The following SAFB variants were observed in gnomAD, a reference collection of about 807,000 sequenced individuals.
SAFB encodes the protein scaffold attachment factor B.
A neutral mutation model predicts 101.6 loss-of-function variants in SAFB; 15 were observed. The observed-to-expected ratio is 0.15, with a 90% CI of 0.10 to 0.23. The LOEUF (loss-of-function observed/expected upper bound fraction) is 0.23. Among genes scored for constraint, SAFB ranks in the 10% least tolerant of loss-of-function variants. The pLI is 1.00. For missense variants in SAFB, 930 were observed against 1,104.1 expected (o/e 0.84, Z 2.23); for synonymous variants, 449 against 407.5 (o/e 1.10, Z -1.23).
At chr19:5,668,014 G>C (rs2054375617) in intron 20 of SAFB, 128 bp downstream of exon 20, 1 of 1,415,256 alleles carries the variant, frequency 7.1e-7, no homozygotes, top group Admixed American at 2.2e-5. Context: ...GCCAGGCATG[G>C]GGTACTGTGG....
In SAFB at chr19:5,645,410, G is replaced by A; in HGVS notation, c.609+11G>A. ...TTCACTATATTACAGGTAAACTGTTGTATGTCTCAGTACTTTTAGAATGAA... is the reference window on the plus strand; with the variant it reads ...TTCACTATATTACAGGTAAACTGTTATATGTCTCAGTACTTTTAGAATGAA... On this transcript the variant is annotated intron_variant, in intron 5 of 20. Transcript: ENST00000588852. The A allele has an allele frequency of 8.1e-7, 1 of 1,232,890 alleles. No individual in the cohort carries two copies. Among genetic ancestry groups the A allele is most frequent in the Non-Finnish European group, 1.2e-6 (1 of 835,770 alleles). 76.4% of individuals were successfully genotyped at this position (1,232,890 alleles called of 1,614,324 possible).
chr19:5,651,162 TGA>T (rs2053930211), intron 9 of SAFB, 90 bp downstream of exon 9: 6 of 770,844 alleles, frequency 7.8e-6, no homozygotes, highest in South Asian at 7.4e-5. Flanking sequence ...GTGAGTTCTT[TGA>T]GAGATACCAA....
chr19:5,623,233 G>A lies in SAFB; in HGVS notation c.28G>A (p.Asp10Asn). MAETLSGLG[D>N]SGAAGAAALS... ...GGCGGAGACTCTGTCAGGCCTAGGT[G>A]ATTCTGGAGCGGCGGGCGCGGCGGC... The change falls in exon 1 of 21, where the codon GAT becomes AAT. Residue 10 changes from aspartate (D) to asparagine (N), a missense_variant. Physicochemically the swap from Asp to Asn is conservative, Grantham distance 23. Transcript: ENST00000588852. 6 of 1,606,298 alleles carry A rather than the reference G, an allele frequency of 3.7e-6. No individual in the cohort carries two copies. The highest frequency in any genetic ancestry group is 5.1e-6 in the Non-Finnish European group (6 of 1,176,498).
chr19:5,631,021 G>C (rs991052926), intron 2 of SAFB, among the ~76,000 whole-genome samples: 1 of 151,744 alleles, frequency 6.6e-6, no homozygotes, highest in Admixed American at 6.6e-5. Context: ...GTGAAACCCC[G>C]TCTACTAAAA....
intron 2 of SAFB, 45 bp downstream of exon 2, chr19:5,626,534 C>A: frequency 8.9e-7 from 1 of 1,128,088 alleles, no homozygotes; most frequent in Non-Finnish European, 1.3e-6. Flanking sequence ...GTGCTTTCTT[C>A]AAAACGAATA....
chr19:5,653,938 A>C (rs892701279), intron 11 of SAFB, 123 bp from the exon 12 acceptor site: 1 of 775,174 alleles, frequency 1.3e-6, no homozygotes, highest in African/African-American at 1.8e-5. Context: ...ATGGGGTTTC[A>C]CCATGTTGGC....
intron 2 of SAFB, among the ~76,000 whole-genome samples, chr19:5,636,234 G>T (rs1405060022): frequency 6.6e-6 from 1 of 152,012 alleles, no homozygotes; most frequent in Non-Finnish European, 1.5e-5. Flanking sequence ...ACCGTATGGA[G>T]GGCAGCAAGT....
Position 5,641,632 on chromosome 19 carries a change from C to T in SAFB, c.313C>T (p.Leu105=). ...AGAAGAGGGTGTGGAAGATAACGGGCTGGAGGAAAACTCTGGGGATGGACA... is the reference window on the plus strand; with the variant it reads ...AGAAGAGGGTGTGGAAGATAACGGGTTGGAGGAAAACTCTGGGGATGGACA... ...PEEEGVEDNG[L]EENSGDGQED... The change falls in exon 3 of 21, where the codon CTG becomes TTG. Residue 105 remains leucine, a synonymous_variant. Transcript: ENST00000588852. 6.2e-7 allele frequency: 1 copy of T among 1,613,932 alleles called. No individual in the cohort carries two copies. Among genetic ancestry groups the T allele is most frequent in the Non-Finnish European group, 8.5e-7 (1 of 1,179,998 alleles).
chr19:5,653,929 T>TG, intron 11 of SAFB, 132 bp from the exon 12 acceptor site: 1 of 706,974 alleles, frequency 1.4e-6, no homozygotes, highest in Middle Eastern at 3.7e-4. Flanking sequence ...TTAGTAGAGA[T>TG]GGGGTTTCAC....
chr19:5,623,439 C>T lies in SAFB; in HGVS notation c.189+45C>T, dbSNP rs566566627. Reference sequence around the variant, plus strand: ...GGCGGGCACAGGGTGGGTCTGGGGTCCTCTTGGCCGCGACGGTGGCTCGCG... The same window carrying T: ...GGCGGGCACAGGGTGGGTCTGGGGTTCTCTTGGCCGCGACGGTGGCTCGCG... On this transcript the variant is annotated intron_variant, in intron 1 of 20. Transcript: ENST00000588852. 21 of 1,531,958 alleles carry T rather than the reference C, an allele frequency of 1.4e-5. No homozygotes were observed. The South Asian group carries it at 1.4e-4, about 10-fold the overall frequency. 94.9% of individuals were successfully genotyped at this position (1,531,958 alleles called of 1,614,324 possible). A position where few individuals can be genotyped will look rare whatever the true frequency, so the allele number is the denominator to read the frequency against.
intron 2 of SAFB, among the ~76,000 whole-genome samples, chr19:5,638,048 T>C (rs1185667043): frequency 6.6e-6 from 1 of 152,232 alleles, no homozygotes; most frequent in East Asian, 1.9e-4. Flanking sequence ...TTTACATTTT[T>C]CTATTCTCTA....
rs1538012 is a variant in SAFB at position 5,664,601 on chromosome 19, G to T, written c.2334+162G>T. On this transcript the variant is annotated intron_variant, in intron 17 of 20. Coordinates refer to ENST00000588852, the MANE Select transcript of SAFB (RefSeq NM_001201338.2). ...CTAGGTTTGTGGAATGGAAATTTGG[G>T]ATTATTTGGGGTTAGTCTTGGCTGT... 8.1e-6 allele frequency: 5 copies of T among 620,716 alleles called. No homozygotes were observed. In the Admixed American group the frequency reaches 1.3e-4, roughly 17 times the overall value. The allele number at this position is 620,716 out of a possible 1,614,324, so 38.5% of individuals were successfully genotyped here. A position where few individuals can be genotyped will look rare whatever the true frequency, so the allele number is the denominator to read the frequency against.
intron 9 of SAFB, among the ~76,000 whole-genome samples, chr19:5,652,881 G>A (rs940350570): frequency 1.3e-5 from 2 of 152,046 alleles, no homozygotes; most frequent in East Asian, 1.9e-4. Flanking sequence ...TTTCCCTTTC[G>A]TCTGTTCCCC....
intron 2 of SAFB, among the ~76,000 whole-genome samples, chr19:5,628,024 A>G (rs2053405671): frequency 6.6e-6 from 1 of 152,102 alleles, no homozygotes; most frequent in Admixed American, 6.5e-5. Context: ...GTTGAGGCGG[A>G]CTGGTCACCT....
At chr19:5,663,646 CT>C (rs2054265057) in intron 15 of SAFB, among the ~76,000 whole-genome samples, 1 of 152,120 alleles carries the variant, frequency 6.6e-6, no homozygotes, top group Non-Finnish European at 1.5e-5. Flanking sequence ...AGGAGGTCAG[CT>C]TTGGGGCGAG....
chr19:5,660,963 T>TC (rs1491564495), intron 14 of SAFB, among the ~76,000 whole-genome samples: 5 of 87,182 alleles, frequency 5.7e-5, no homozygotes, highest in Non-Finnish European at 1.2e-4. Context: ...TTTTTTTTTT[T>TC]CTGTTGCCGG....
chr19:5,628,999 A>G (rs1303575500), intron 2 of SAFB, among the ~76,000 whole-genome samples: 1 of 152,126 alleles, frequency 6.6e-6, no homozygotes, highest in African/African-American at 2.4e-5. Context: ...TCGCGCAGTC[A>G]TAGTTCGCTG....
chr19:5,635,882 CTCT>C (rs1433433022), intron 2 of SAFB, among the ~76,000 whole-genome samples: 1 of 152,074 alleles, frequency 6.6e-6, no homozygotes, highest in Non-Finnish European at 1.5e-5. Flanking sequence ...AAATCAATGG[CTCT>C]TCAGTTTTTG....
At chr19:5,663,422 G>A (rs957697642) in intron 15 of SAFB, among the ~76,000 whole-genome samples, 14 of 152,232 alleles carry the variant, frequency 9.2e-5, no homozygotes, top group Admixed American at 2.6e-4. Flanking sequence ...GGCTTTACAC[G>A]TGCACTGCAA....
Sources: gnomAD v4.1 joint callset for allele counts (sites outside exome capture counted in the v4.1 genomes callset) on GRCh38, gnomAD v4.1.1 for gene constraint, MANE v1.5 for transcripts, NCBI Gene and HGNC (gene_info 2026-07-23, HGNC 2026-07-21) for gene names.